LAT2: variants seen among roughly 807,000 people sequenced by gnomAD.
LAT2 encodes the protein linker for activation of T-cells family member 2.
LAT2 carries 23 observed loss-of-function variants against 43.4 expected under a neutral mutation model. That is an observed-to-expected ratio of 0.53 (90% CI 0.38 to 0.75). The LOEUF is 0.75. Ranked by LOEUF, LAT2 falls within the 30% of genes least tolerant of loss-of-function variation. The pLI is 0.00. For synonymous variants in LAT2, 128 were observed against 123.2 expected (o/e 1.04, Z -0.26); for missense variants, 284 against 310.2 (o/e 0.92, Z 0.64).
At chr7:74,216,794 AC>A (rs782204768) in intron 3 of LAT2, 30 bp from the exon 4 acceptor site, 1 of 1,611,542 alleles carries the variant, frequency 6.2e-7, no homozygotes, top group Non-Finnish European at 8.5e-7. Context: ...CTGCTCCCAG[AC>A]CCTTTGCTAA....
intron 1 of LAT2, among the ~76,000 whole-genome samples, chr7:74,213,585 C>G (rs782661326): frequency 6.6e-6 from 1 of 151,826 alleles, no homozygotes; most frequent in African/African-American, 2.4e-5. Context: ...CCACCACACC[C>G]GGCTAATTTT....
At chr7:74,219,685 C>T in intron 4 of LAT2, 59 bp from the exon 5 acceptor site, 1 of 1,603,680 alleles carries the variant, frequency 6.2e-7, no homozygotes, top group Non-Finnish European at 8.5e-7. Context: ...CCTCCTGTCC[C>T]TGTGTTCTTG....
intron 4 of LAT2, among the ~76,000 whole-genome samples, chr7:74,217,301 G>A (rs188597176): frequency 1.3e-5 from 2 of 152,002 alleles, no homozygotes; most frequent in Non-Finnish European, 2.9e-5. Context: ...CGTGGTGGTG[G>A]GTCCCTCTAC....
rs41272156 is a variant in LAT2, at chr7:74,220,041, T to C, written c.227+33T>C. The C allele has an allele frequency of 5.6e-6, 9 of 1,610,538 alleles. No homozygotes were observed. Among genetic ancestry groups the C allele is most frequent in the South Asian group, 5.5e-5 (5 of 90,746 alleles). On this transcript the variant is annotated intron_variant, in intron 6 of 13. Coordinates refer to ENST00000460943, the MANE Select transcript of LAT2 (RefSeq NM_032464.3). This position sits in a 1 kb window ranked among gnomAD's most constrained non-coding sequence, Gnocchi z 4.5. ...ACAGTCCCCCAGGAAGTGACAAGAA[T>C]GAAAGTCCTGGAGGTCCTCACCTGG...
chr7:74,218,822 G>A (rs943131633), intron 4 of LAT2, among the ~76,000 whole-genome samples: 57 of 151,972 alleles, frequency 3.8e-4, no homozygotes, highest in Non-Finnish European at 7.5e-4. Flanking sequence ...TCAGCCTCCC[G>A]AGTAGCTGGG....
intron 1 of LAT2, among the ~76,000 whole-genome samples, chr7:74,214,245 T>A (rs1354264806): frequency 1.3e-5 from 1 of 79,286 alleles, no homozygotes; most frequent in African/African-American, 5.1e-5. Flanking sequence ...TATGAAAATA[T>A]ATATATAAAT....
In LAT2 at chr7:74,221,667, G is replaced by C. The variant is rs201124958; in HGVS notation, c.363G>C (p.Trp121Cys). 2.0e-5 allele frequency: 33 copies of C among 1,613,174 alleles called. No homozygotes were observed. The highest frequency in any genetic ancestry group is 3.3e-4 in the Middle Eastern group (2 of 6,076). ...IDPIAMEYYN[W>C]GRFSKPPEDD... ...CCATTGCCATGGAGTATTACAACTG[G>C]GGGCGGTTCTCGAAGCCCCCAGAAG... The change falls in exon 10 of 14, where the codon TGG becomes TGC. Residue 121 changes from tryptophan (W) to cysteine (C), a missense_variant. Coordinates refer to ENST00000460943, the MANE Select transcript of LAT2 (RefSeq NM_032464.3).
Position 74,224,178 on chromosome 7 carries a change from C to G in LAT2, c.609C>G (p.Arg203=). Residue 203 remains arginine, a synonymous_variant, in exon 12 of 14, where the codon CGC becomes CGG. Coordinates refer to ENST00000460943, the MANE Select transcript of LAT2 (RefSeq NM_032464.3). The stretch of plus-strand genomic sequence containing the variant: ...ACTCAGCATCCATCCATCAGTGGCG[C>G]GAGTCCAGGAAGGTCATGGGTAGGT... ...YQNSASIHQW[R]ESRKVMGQLQ... 3 of 1,613,810 alleles carry G rather than the reference C, an allele frequency of 1.9e-6. No individual in the cohort carries two copies. The highest frequency in any genetic ancestry group is 2.5e-6 in the Non-Finnish European group (3 of 1,179,998).
intron 4 of LAT2, among the ~76,000 whole-genome samples, chr7:74,217,562 A>C (rs1802090286): frequency 6.6e-6 from 1 of 152,228 alleles, no homozygotes; most frequent in Non-Finnish European, 1.5e-5. Context: ...AGAACCCGGC[A>C]CAGGGTGAAA....
At chr7:74,211,617 C>T (rs1435217256) in intron 1 of LAT2, among the ~76,000 whole-genome samples, 1 of 152,070 alleles carries the variant, frequency 6.6e-6, no homozygotes, top group Non-Finnish European at 1.5e-5. Flanking sequence ...GCCACCACGA[C>T]CGGCTAATTT....
intron 4 of LAT2, 74 bp downstream of exon 4, chr7:74,216,938 G>A: frequency 1.5e-6 from 2 of 1,325,854 alleles, no homozygotes; most frequent in Non-Finnish European, 1.1e-6. Flanking sequence ...GGAATTCCTA[G>A]CACCCCATCC....
Position 74,224,785 on chromosome 7 carries a change from C to T in LAT2, c.*18+25C>T, listed in dbSNP as rs782177533. 1.8e-5 allele frequency: 27 copies of T among 1,474,854 alleles called. No homozygotes were observed. In the East Asian group the frequency reaches 3.7e-4, roughly 20 times the overall value. The allele number at this position is 1,474,854 out of a possible 1,614,324, so 91.4% of individuals were successfully genotyped here. On this transcript the variant is annotated intron_variant, in intron 13 of 13. Coordinates refer to ENST00000460943, the MANE Select transcript of LAT2 (RefSeq NM_032464.3). Reference sequence around the variant, plus strand: ...GGTACAGCCCCTGCTCTCCAGCTGCCGTGGGCCAAGGATTGGAGGTCTTGC... The same window carrying T: ...GGTACAGCCCCTGCTCTCCAGCTGCTGTGGGCCAAGGATTGGAGGTCTTGC...
At position 74,229,166 on chromosome 7, in the gene LAT2, TG is replaced by T. The variant is rs1802600962; in HGVS notation, c.*245del. 6.6e-6 allele frequency: 1 copy of T among 152,220 alleles called. No homozygotes were observed. The allele number at this position is 152,220 out of a possible 1,614,324, so 9.4% of individuals were successfully genotyped here. A position where few individuals can be genotyped will look rare whatever the true frequency, so the allele number is the denominator to read the frequency against. ...AAGCCCTCTCCCGACCCAGGCTTTGTGGGGCAGGCACCTGGTACCAAGGGTA... is the reference window on the plus strand; with the variant it reads ...AAGCCCTCTCCCGACCCAGGCTTTGTGGGCAGGCACCTGGTACCAAGGGTA... On this transcript the variant is annotated 3_prime_UTR_variant, in exon 14 of 14. Transcript: ENST00000460943.
chr7:74,226,309 A>G (rs1802485676), intron 13 of LAT2: 1 of 151,860 alleles, frequency 6.6e-6, no homozygotes, highest in African/African-American at 2.4e-5. Flanking sequence ...AGCCTCTATA[A>G]AAACATTTAA....
intron 1 of LAT2, 74 bp from the exon 2 acceptor site, chr7:74,214,742 TATATAA>T (rs1276665165): frequency 6.5e-5 from 6 of 92,872 alleles, no homozygotes; most frequent in African/African-American, 3.1e-4. Flanking sequence ...TATATAAAAA[TATATAA>T]ATATATATAT....
In LAT2 at chr7:74,219,726, C is replaced by T. The variant is rs1802190873; in HGVS notation, c.135-18C>T. On this transcript the variant is annotated intron_variant, in intron 4 of 13. Transcript: ENST00000460943. ...TGGGAGTCCAGGCCCAGGCTCAGCA[C>T]AGCCCATGCATTTCCAGGCGTGAGG... The T allele has an allele frequency of 6.2e-7, 1 of 1,614,092 alleles. No individual in the cohort carries two copies. The highest frequency in any genetic ancestry group is 8.5e-7 in the Non-Finnish European group (1 of 1,179,998).
intron 1 of LAT2, among the ~76,000 whole-genome samples, chr7:74,212,235 GC>G (rs1207029057): frequency 1.3e-5 from 2 of 151,712 alleles, no homozygotes; most frequent in Non-Finnish European, 2.9e-5. Flanking sequence ...CAGCCACCAC[GC>G]CCAGCCTGAT....
intron 10 of LAT2, among the ~76,000 whole-genome samples, chr7:74,222,969 G>A (rs1463366417): frequency 5.3e-5 from 8 of 152,220 alleles, no homozygotes; most frequent in Non-Finnish European, 1.2e-4. Context: ...GGCCAAGATG[G>A]GGTGCCAGGC....
At chr7:74,213,828 G>A (rs975393647) in intron 1 of LAT2, among the ~76,000 whole-genome samples, 5 of 151,760 alleles carry the variant, frequency 3.3e-5, no homozygotes, top group South Asian at 2.1e-4. Flanking sequence ...GGAAGAACAC[G>A]GCGGGTGGGG....
Sources: gnomAD v4.1 joint callset for allele counts (sites outside exome capture counted in the v4.1 genomes callset) on GRCh38, gnomAD v4.1.1 for gene constraint, Gnocchi (gnomAD v3.1) non-coding constraint, MANE v1.5 for transcripts, NCBI Gene and HGNC (gene_info 2026-07-23, HGNC 2026-07-21) for gene names.